The following MCMDC2 variants were observed in gnomAD, a reference collection of about 807,000 sequenced individuals.
MCMDC2 encodes minichromosome maintenance domain-containing protein 2.
Under a neutral mutation model 75.8 loss-of-function variants are expected in MCMDC2, and 54 were observed. The ratio of observed to expected loss-of-function variants is 0.71; its 90% CI spans 0.57 to 0.89. MCMDC2 has a LOEUF of 0.89. Ranked by LOEUF, MCMDC2 falls within the 40% of genes least tolerant of loss-of-function variation. The probability of loss-of-function intolerance (pLI) is 0.00; values close to 1 mark genes in which losing one functional copy is unlikely to be tolerated. For missense variants in MCMDC2, 656 were observed against 780.4 expected, an observed-to-expected ratio of 0.84 and a Z score of 1.90; for synonymous variants, 249 against 274.6, an observed-to-expected ratio of 0.91 and a Z score of 0.92.
chr8:66,877,217 G>T, intron 4 of MCMDC2, 132 bp from the exon 5 acceptor site: 1 of 513,496 alleles, frequency 1.9e-6, no homozygotes, highest in Admixed American at 4.2e-5. Flanking sequence ...TTTCTCTAAT[G>T]CTTAAAATTT....
intron 8 of MCMDC2, among the ~76,000 whole-genome samples, chr8:66,881,292 GA>G (rs1457377649): frequency 1.3e-5 from 2 of 152,202 alleles, no homozygotes; most frequent in Non-Finnish European, 2.9e-5. Context: ...TTAATAATGA[GA>G]AAAATGTTTC....
At position 66,874,049 on chromosome 8, in the gene MCMDC2, C is replaced by A. The variant is rs1368802847; in HGVS notation, c.-88-4C>A. The A allele has an allele frequency of 5.1e-6, 4 of 790,000 alleles. No homozygotes were observed. The highest frequency in any genetic ancestry group is 3.1e-5 in the South Asian group (1 of 32,286). The allele number at this position is 790,000 out of a possible 1,614,324, so 48.9% of individuals were successfully genotyped here. A position where few individuals can be genotyped will look rare whatever the true frequency, so the allele number is the denominator to read the frequency against. On this transcript the variant is annotated splice_region_variant and splice_polypyrimidine_tract_variant and intron_variant, in intron 1 of 14. Coordinates refer to ENST00000422365, the MANE Select transcript of MCMDC2 (RefSeq NM_173518.5). ...TTCAAAAATAAAATTAATTTTATTT[C>A]TAGGTTTTCACATCCTTTCTATGAG...
chr8:66,878,569 T>C lies in MCMDC2; in HGVS notation c.482-5T>C, dbSNP rs1241086370. 1.9e-6 allele frequency: 3 copies of C among 1,569,854 alleles called. No individual in the cohort carries two copies. The East Asian group carries it at 7.0e-5, about 37-fold the overall frequency. The stretch of plus-strand genomic sequence containing the variant: ...CAAATGTATGTTACCACTGTTTTCT[T>C]TCAGGATTTCAGTATATAAGAGTGC... On this transcript the variant is annotated splice_polypyrimidine_tract_variant and splice_region_variant and intron_variant, in intron 5 of 14. Transcript: ENST00000422365.
Position 66,874,416 on chromosome 8 carries a change from T to C in MCMDC2, c.185T>C (p.Ile62Thr). The C allele has an allele frequency of 6.2e-7, 1 of 1,613,862 alleles. No homozygotes were observed. ...VELDAELGNH[I>T]LHQPLKAAEV... Reference sequence around the variant, plus strand: ...TTAGATGCTGAGCTTGGAAATCACATTTTACACCAACCTTTAAAAGCTGCT... The same window carrying C: ...TTAGATGCTGAGCTTGGAAATCACACTTTACACCAACCTTTAAAAGCTGCT... The change falls in exon 3 of 15, where the codon ATT (isoleucine) becomes ACT (threonine). Residue 62 changes from isoleucine to threonine, a missense_variant. Coordinates refer to ENST00000422365, the MANE Select transcript of MCMDC2 (RefSeq NM_173518.5).
chr8:66,873,886 C>T (rs772667129), intron 1 of MCMDC2, among the ~76,000 whole-genome samples, 167 bp from the exon 2 acceptor site: 126 of 137,818 alleles, frequency 9.1e-4, no homozygotes, highest in Non-Finnish European at 1.6e-3. Context: ...GACTCCATCT[C>T]AAAAAAAAAA....
At chr8:66,875,811 T>C (rs1811256388) in intron 4 of MCMDC2, among the ~76,000 whole-genome samples, 1 of 152,228 alleles carries the variant, frequency 6.6e-6, no homozygotes, top group Non-Finnish European at 1.5e-5. Context: ...CCTCCCTTTT[T>C]AGACCATTAC....
chr8:66,881,427 G>A (rs534719292), intron 8 of MCMDC2, among the ~76,000 whole-genome samples: 13 of 152,338 alleles, frequency 8.5e-5, no homozygotes, highest in South Asian at 2.1e-4. Context: ...TGTGGCTCAC[G>A]CCTGTAATCC....
At chr8:66,880,822 A>G (rs1263507938) in intron 7 of MCMDC2, 27 bp from the exon 8 acceptor site, 3 of 1,502,460 alleles carry the variant, frequency 2.0e-6, no homozygotes, top group Non-Finnish European at 2.7e-6. Context: ...GTGAATATGT[A>G]TTTTCTTCTG....
At chr8:66,909,122 C>A (rs1189026348) in intron 14 of MCMDC2, among the ~76,000 whole-genome samples, 1 of 152,110 alleles carries the variant, frequency 6.6e-6, no homozygotes, top group Non-Finnish European at 1.5e-5. Flanking sequence ...AGGGCTCTTC[C>A]CCCTTCGCTT....
rs530805303 is a variant in MCMDC2 at position 66,902,692 on chromosome 8, C to CAAA, written c.1769+1362_1769+1364dup. Among the ~76,000 whole-genome samples, 464 of 57,214 alleles carry CAAA rather than the reference C, an allele frequency of 8.1e-3. 12 individuals carry two copies. Among genetic ancestry groups the CAAA allele is most frequent in the African/African-American group, 9.6e-3 (115 of 11,954 alleles). 37.5% of individuals were successfully genotyped at this position (57,214 alleles called of 152,430 possible). A position where few individuals can be genotyped will look rare whatever the true frequency, so the allele number is the denominator to read the frequency against. ...CTGGCGACAGAGCAAGATTCTGTCTCAAAAAAAAAAAAAAAAAAAATATAT... is the reference window on the plus strand; with the variant it reads ...CTGGCGACAGAGCAAGATTCTGTCTCAAAAAAAAAAAAAAAAAAAAAAATATAT... On this transcript the variant is annotated intron_variant, in intron 13 of 14. Transcript: ENST00000422365.
chr8:66,919,522 C>T lies in MCMDC2; in HGVS notation c.*353C>T, dbSNP rs1563394544. 1 of 157,928 alleles carries T rather than the reference C, an allele frequency of 6.3e-6. No homozygotes were observed. The highest frequency in any genetic ancestry group is 1.4e-5 in the Non-Finnish European group (1 of 72,070). The allele number at this position is 157,928 out of a possible 1,614,324, so 9.8% of individuals were successfully genotyped here. ...TTTGAGCAGTGTGTAAAATGGCAAC[C>T]TTTATGTAGTTCACTCTACTGTCAC... On this transcript the variant is annotated 3_prime_UTR_variant, in exon 15 of 15. Coordinates refer to ENST00000422365, the MANE Select transcript of MCMDC2 (RefSeq NM_173518.5).
intron 1 of MCMDC2, among the ~76,000 whole-genome samples, chr8:66,871,794 C>T (rs1276451211): frequency 1.3e-5 from 2 of 151,592 alleles, no homozygotes; most frequent in Non-Finnish European, 2.9e-5. Flanking sequence ...GCCTATAGTC[C>T]CAGGCTGAGA....
At chr8:66,878,472 AAG>A in intron 5 of MCMDC2, 100 bp from the exon 6 acceptor site, 2 of 1,150,720 alleles carry the variant, frequency 1.7e-6, no homozygotes, top group East Asian at 2.9e-5. Flanking sequence ...TAAAAGAAAA[AAG>A]AAAATATAAA....
At chr8:66,882,976 C>A (rs74953600) in intron 8 of MCMDC2, among the ~76,000 whole-genome samples, 3,641 of 152,116 alleles carry the variant, frequency 0.024, 126 homozygotes, top group African/African-American at 0.082. Context: ...CCAAATGTGG[C>A]AAGAGCTGGA....
intron 1 of MCMDC2, among the ~76,000 whole-genome samples, chr8:66,872,686 G>A (rs1205719152): frequency 3.9e-5 from 6 of 151,910 alleles, no homozygotes; most frequent in African/African-American, 1.5e-4. Context: ...GGCCGGGTGC[G>A]GTGGCTCACG....
At chr8:66,886,362 A>C (rs1811839573) in intron 9 of MCMDC2, among the ~76,000 whole-genome samples, 1 of 151,962 alleles carries the variant, frequency 6.6e-6, no homozygotes, top group Admixed American at 6.6e-5. Flanking sequence ...ATAGGGTTTT[A>C]TCATATTGGC....
intron 10 of MCMDC2, among the ~76,000 whole-genome samples, chr8:66,893,489 A>G (rs141521569): frequency 6.6e-6 from 1 of 152,362 alleles, no homozygotes; most frequent in Non-Finnish European, 1.5e-5. Flanking sequence ...CCTTACAATC[A>G]TGGTAGAGTG....
chr8:66,901,010 A>G (rs1229039235), intron 12 of MCMDC2, among the ~76,000 whole-genome samples, 196 bp from the exon 13 acceptor site: 1 of 152,256 alleles, frequency 6.6e-6, no homozygotes, highest in Non-Finnish European at 1.5e-5. Context: ...TATTCTGGGT[A>G]AACTTTAATA....
intron 13 of MCMDC2, among the ~76,000 whole-genome samples, chr8:66,902,893 G>T (rs1812764458): frequency 6.6e-6 from 1 of 151,600 alleles, no homozygotes; most frequent in African/African-American, 2.4e-5. Context: ...GCCAAGTTGG[G>T]TGGATCACCA....
Sources: gnomAD v4.1 joint callset for allele counts (sites outside exome capture counted in the v4.1 genomes callset) on GRCh38, gnomAD v4.1.1 for gene constraint, MANE v1.5 for transcripts, NCBI Gene and HGNC (gene_info 2026-07-23, HGNC 2026-07-21) for gene names.